PDE2A: variants seen among roughly 807,000 people sequenced by gnomAD.
PDE2A encodes the protein cGMP-dependent 3',5'-cyclic phosphodiesterase.
Under a neutral mutation model 133.6 loss-of-function variants are expected in PDE2A, and 53 were observed. The ratio of observed to expected loss-of-function variants is 0.40; its 90% CI spans 0.32 to 0.50. The LOEUF is 0.50. PDE2A is among the 20% of genes least tolerant of loss of function. The pLI is 0.73. For synonymous variants in PDE2A, 491 were observed against 490.2 expected (o/e 1.00, Z -0.02); for missense variants, 796 against 1,232.4 (o/e 0.65, Z 5.30).
At chr11:72,622,509 C>T (rs571702269) in intron 2 of PDE2A, among the ~76,000 whole-genome samples, 1 of 152,140 alleles carries the variant, frequency 6.6e-6, no homozygotes, top group African/African-American at 2.4e-5. Flanking sequence ...ATTATGTGGC[C>T]ATAAAAAGGA....
chr11:72,577,021 G>C lies in PDE2A; in HGVS notation c.*363C>G, dbSNP rs1202960709. On this transcript the variant is annotated 3_prime_UTR_variant, in exon 31 of 31. Coordinates refer to ENST00000334456, the MANE Select transcript of PDE2A (RefSeq NM_002599.5). ...CCCCAAAGGGTGGGAGTCCTCAAAG[G>C]GAAAGGAGCAAAGATCTGGTGGGGC... 3 of 214,580 alleles carry C rather than the reference G, an allele frequency of 1.4e-5. No individual in the cohort carries two copies. In the East Asian group the frequency reaches 3.1e-4, roughly 22 times the overall value. The allele number at this position is 214,580 out of a possible 1,614,324, so 13.3% of individuals were successfully genotyped here. A position where few individuals can be genotyped will look rare whatever the true frequency, so the allele number is the denominator to read the frequency against.
In PDE2A at chr11:72,639,723, C is replaced by T. The variant is rs527441703; in HGVS notation, c.144+2531G>A. On this transcript the variant is annotated intron_variant, in intron 2 of 30. Transcript: ENST00000334456. Reference sequence around the variant, plus strand: ...CCGCCCGCCTGTCCAGCGCCTGCTCCGCCGGAAACCCAAAACAAAGGGCTT... The same window carrying T: ...CCGCCCGCCTGTCCAGCGCCTGCTCTGCCGGAAACCCAAAACAAAGGGCTT... Among the ~76,000 whole-genome samples, 10 of 152,256 alleles carry T rather than the reference C, an allele frequency of 6.6e-5. No homozygotes were observed. The East Asian group carries it at 9.7e-4, about 15-fold the overall frequency.
At chr11:72,583,325 T>C in intron 20 of PDE2A, 113 bp downstream of exon 20, 1 of 758,162 alleles carries the variant, frequency 1.3e-6, no homozygotes, top group Non-Finnish European at 2.3e-6. Flanking sequence ...GGAGGCCTGC[T>C]GTGGCTCTGG....
intron 2 of PDE2A, among the ~76,000 whole-genome samples, chr11:72,615,330 G>C (rs554913622): frequency 5.9e-5 from 9 of 152,332 alleles, no homozygotes; most frequent in Admixed American, 5.2e-4. Flanking sequence ...GGATCCATCA[G>C]GAGCTAGGTT....
At chr11:72,600,666 C>T (rs1856702087) in intron 4 of PDE2A, among the ~76,000 whole-genome samples, 2 of 152,162 alleles carry the variant, frequency 1.3e-5, no homozygotes, top group South Asian at 2.1e-4. Flanking sequence ...AACTCAGAGC[C>T]GCTCCCTGCT....
chr11:72,598,014 T>G (rs962799133), intron 4 of PDE2A, among the ~76,000 whole-genome samples: 7 of 152,228 alleles, frequency 4.6e-5, no homozygotes, highest in Non-Finnish European at 1.0e-4. Flanking sequence ...GAACCCTCCC[T>G]GTCACCATCC....
chr11:72,585,710 A>T (rs1390938277), intron 14 of PDE2A, 117 bp from the exon 15 acceptor site: 1 of 855,214 alleles, frequency 1.2e-6, no homozygotes, highest in Non-Finnish European at 1.9e-6. Flanking sequence ...CTCACTGGAC[A>T]AGCCAGAAAC....
At chr11:72,610,339 A>G (rs1365833684) in intron 2 of PDE2A, among the ~76,000 whole-genome samples, 2 of 152,176 alleles carry the variant, frequency 1.3e-5, no homozygotes, top group Non-Finnish European at 2.9e-5. Flanking sequence ...GGTCACCAGG[A>G]GAGAGGGAGG....
intron 1 of PDE2A, among the ~76,000 whole-genome samples, chr11:72,646,299 A>G (rs570535591): frequency 6.6e-5 from 10 of 152,346 alleles, no homozygotes; most frequent in African/African-American, 2.4e-4. Flanking sequence ...CTTGTTCCTA[A>G]TAAAAATGAC....
At chr11:72,667,884 A>AG (rs398016622) in intron 1 of PDE2A, among the ~76,000 whole-genome samples, 5 of 148,584 alleles carry the variant, frequency 3.4e-5, no homozygotes, top group Non-Finnish European at 7.4e-5. Context: ...AAAAAAAAAA[A>AG]GGGTGAGGGA....
At chr11:72,582,638 T>A in intron 20 of PDE2A, 72 bp from the exon 21 acceptor site, 1 of 1,461,906 alleles carries the variant, frequency 6.8e-7, no homozygotes, top group Non-Finnish European at 9.3e-7. Context: ...CAAATTCCCA[T>A]GGCAGGTGGG....
chr11:72,593,405 C>T (rs923854039), intron 6 of PDE2A, among the ~76,000 whole-genome samples: 3 of 152,168 alleles, frequency 2.0e-5, no homozygotes, highest in African/African-American at 7.2e-5. Context: ...CACACACTTA[C>T]ACCTGCTCTT....
intron 1 of PDE2A, among the ~76,000 whole-genome samples, chr11:72,668,856 G>T (rs558870892): frequency 6.6e-6 from 1 of 152,082 alleles, no homozygotes; most frequent in Admixed American, 6.5e-5. Context: ...GCTTCTCACC[G>T]TAGCCACAAC....
At chr11:72,629,641 C>T (rs1858270075) in intron 2 of PDE2A, among the ~76,000 whole-genome samples, 1 of 152,204 alleles carries the variant, frequency 6.6e-6, no homozygotes, top group Non-Finnish European at 1.5e-5. Context: ...GGCCCTGTGT[C>T]CCAGCAGGGA....
chr11:72,601,807 G>T (rs1373115959), intron 4 of PDE2A, among the ~76,000 whole-genome samples: 1 of 152,164 alleles, frequency 6.6e-6, no homozygotes, highest in Non-Finnish European at 1.5e-5. Flanking sequence ...CTCCTCTCCA[G>T]CCCCAAGGTC....
At chr11:72,595,997 C>T (rs575703791) in intron 6 of PDE2A, among the ~76,000 whole-genome samples, 3 of 152,236 alleles carry the variant, frequency 2.0e-5, no homozygotes, top group African/African-American at 7.2e-5. Context: ...GAAAGCCCCC[C>T]TAGCTGCCTG....
chr11:72,631,158 CA>C, intron 2 of PDE2A: 2 of 1,536,812 alleles, frequency 1.3e-6, no homozygotes, highest in Non-Finnish European at 1.8e-6. Context: ...ACAAGAAGGT[CA>C]GGGGCTGAGG....
chr11:72,589,937 C>T lies in PDE2A; in HGVS notation c.801G>A (p.Val267=), dbSNP rs759987362. ...TRASRCCLLL[V]SEDNLQLSCK... The stretch of plus-strand genomic sequence containing the variant: ...AAGAAAGCTGGAGATTGTCCTCCGA[C>T]ACCAGCAGGAGGCAGCAGCGGGATG... The change falls in exon 10 of 31, where the codon GTG becomes GTA. Residue 267 remains valine (V), a synonymous_variant. Transcript: ENST00000334456. 1.9e-6 allele frequency: 3 copies of T among 1,613,308 alleles called. No individual in the cohort carries two copies. In the African/African-American group the frequency reaches 4.0e-5, roughly 22 times the overall value.
intron 1 of PDE2A, among the ~76,000 whole-genome samples, chr11:72,657,192 G>A (rs1356830378): frequency 6.6e-6 from 1 of 152,104 alleles, no homozygotes; most frequent in African/African-American, 2.4e-5. Context: ...CCTTCCCTGA[G>A]GCCTAGACCA....
Sources: allele counts gnomAD v4.1 joint callset (sites outside exome capture counted in the v4.1 genomes callset), GRCh38; gene constraint gnomAD v4.1.1; transcripts MANE v1.5; gene names NCBI Gene and HGNC (gene_info 2026-07-23, HGNC 2026-07-21).